DYTN: variants seen among roughly 807,000 people sequenced by gnomAD.
DYTN encodes the protein dystrotelin.
DYTN carries 75 observed loss-of-function variants against 69.6 expected under a neutral mutation model. That is an observed-to-expected ratio of 1.08 (90% CI 0.89 to 1.31). DYTN has a LOEUF of 1.31. Ranked by LOEUF, DYTN falls within the 50% of genes most tolerant of loss-of-function variation. The pLI is 0.00. For missense variants in DYTN, 726 were observed against 688.4 expected, an observed-to-expected ratio of 1.05 and a Z score of -0.61; for synonymous variants, 252 against 249.1, an observed-to-expected ratio of 1.01 and a Z score of -0.11.
chr2:206,675,380 G>T (rs1429950515), intron 9 of DYTN, among the ~76,000 whole-genome samples: 2 of 149,808 alleles, frequency 1.3e-5, no homozygotes, highest in Admixed American at 6.7e-5. Flanking sequence ...GAAGCAAGAT[G>T]TTCAAAATAA....
intron 5 of DYTN, among the ~76,000 whole-genome samples, chr2:206,700,826 T>C (rs972171153): frequency 2.0e-5 from 3 of 152,176 alleles, no homozygotes; most frequent in African/African-American, 4.8e-5. Flanking sequence ...GTGTTCTCAT[T>C]GTTCAACTAC....
intron 10 of DYTN, among the ~76,000 whole-genome samples, chr2:206,664,371 T>G (rs1699545051): frequency 6.6e-6 from 1 of 152,146 alleles, no homozygotes; most frequent in Admixed American, 6.5e-5. Flanking sequence ...GTTATAACAG[T>G]TAAGGCCGGG....
intron 8 of DYTN, among the ~76,000 whole-genome samples, chr2:206,694,240 A>T (rs1214724140): frequency 6.6e-6 from 1 of 152,234 alleles, no homozygotes; most frequent in Non-Finnish European, 1.5e-5. Context: ...TTATAATTTT[A>T]AAAAATTTGA....
At chr2:206,654,109 A>T (rs1280431284) in intron 11 of DYTN, among the ~76,000 whole-genome samples, 3 of 152,238 alleles carry the variant, frequency 2.0e-5, no homozygotes, top group Admixed American at 6.5e-5. Flanking sequence ...AGCCAACTAC[A>T]CTTTTTTTCT....
intron 10 of DYTN, among the ~76,000 whole-genome samples, chr2:206,663,996 C>A (rs1395260200): frequency 6.6e-6 from 1 of 151,804 alleles, no homozygotes; most frequent in Non-Finnish European, 1.5e-5. Context: ...GCTGTTGGTG[C>A]TTTAGTGTGA....
intron 1 of DYTN, among the ~76,000 whole-genome samples, chr2:206,712,943 G>A (rs2105903204): frequency 6.6e-6 from 1 of 152,346 alleles, no homozygotes; most frequent in Non-Finnish European, 1.5e-5. Context: ...ATTTGGAATT[G>A]TAGATTGGAG....
chr2:206,702,699 T>C (rs1262721381), intron 5 of DYTN, among the ~76,000 whole-genome samples: 1 of 152,198 alleles, frequency 6.6e-6, no homozygotes, highest in Non-Finnish European at 1.5e-5. Context: ...TTTTACTTCA[T>C]TTGTAAAATA....
intron 11 of DYTN, among the ~76,000 whole-genome samples, chr2:206,661,345 A>T (rs10206329): frequency 0.12 from 18,762 of 152,288 alleles, 1,205 homozygotes; most frequent in Non-Finnish European, 0.14. Context: ...AAAACACATG[A>T]GTATTTTATC....
At chr2:206,653,221 A>G (rs1699407538) in intron 11 of DYTN, among the ~76,000 whole-genome samples, 1 of 152,250 alleles carries the variant, frequency 6.6e-6, no homozygotes, top group Non-Finnish European at 1.5e-5. Flanking sequence ...AACTTAAAAT[A>G]TAGCAATAAA....
At chr2:206,703,312 G>T (rs1240985891) in intron 5 of DYTN, among the ~76,000 whole-genome samples, 1 of 152,088 alleles carries the variant, frequency 6.6e-6, no homozygotes, top group Non-Finnish European at 1.5e-5. Flanking sequence ...GCACAAATGG[G>T]CGGACAGACT....
Position 206,704,884 on chromosome 2 carries a change from T to G in DYTN, c.442A>C (p.Thr148Pro), listed in dbSNP as rs764960410. The change falls in exon 5 of 12, where the codon ACT becomes CCT. Residue 148 changes from threonine (T) to proline (P), a missense_variant. Thr to Pro is a conservative substitution (Grantham distance 38, BLOSUM62 -1). Transcript: ENST00000452335. ...AGTAGTTTTCTCAAAACCCTTCGAG[T>G]CATGCGTGGCCCAGAATCATAGCCT... ...RGGYDSGPRM[T>P]RRVLRKLLTD... The G allele has an allele frequency of 6.2e-7, 1 of 1,613,878 alleles. No homozygotes were observed. Among genetic ancestry groups the G allele is most frequent in the Non-Finnish European group, 8.5e-7 (1 of 1,179,844 alleles).
chr2:206,679,424 G>T (rs1280474990), intron 9 of DYTN, among the ~76,000 whole-genome samples: 1 of 152,106 alleles, frequency 6.6e-6, no homozygotes, highest in Non-Finnish European at 1.5e-5. Flanking sequence ...AGAATGCAAA[G>T]AATTCAGGGG....
chr2:206,713,130 T>C (rs1032530873), intron 1 of DYTN, among the ~76,000 whole-genome samples: 1 of 152,242 alleles, frequency 6.6e-6, no homozygotes, highest in Non-Finnish European at 1.5e-5. Context: ...AATTGACAAA[T>C]AAATATTGTA....
chr2:206,694,722 T>C, intron 8 of DYTN, 44 bp downstream of exon 8: 1 of 1,506,200 alleles, frequency 6.6e-7, no homozygotes. Context: ...TAGCTTATAC[T>C]GAATTGATTA....
intron 9 of DYTN, among the ~76,000 whole-genome samples, chr2:206,666,738 CGT>C (rs56345459): frequency 0.14 from 21,059 of 145,400 alleles, 1,698 homozygotes; most frequent in East Asian, 0.23. Context: ...CATGGGTGTG[CGT>C]GTGTGTGTGT....
At chr2:206,702,876 T>G (rs189222633) in intron 5 of DYTN, among the ~76,000 whole-genome samples, 17 of 152,250 alleles carry the variant, frequency 1.1e-4, no homozygotes, top group Non-Finnish European at 4.4e-5. Context: ...TTGCAGGTGT[T>G]CTAGGAAGAA....
At chr2:206,658,158 C>T (rs1699470058) in intron 11 of DYTN, among the ~76,000 whole-genome samples, 1 of 151,770 alleles carries the variant, frequency 6.6e-6, no homozygotes. Context: ...ATTTTTAGTT[C>T]AATTATTACA....
At chr2:206,710,725 A>G (rs927980014) in intron 1 of DYTN, 127 bp from the exon 2 acceptor site, 6 of 693,106 alleles carry the variant, frequency 8.7e-6, no homozygotes, top group African/African-American at 7.4e-5. Context: ...TAAGGTTTAG[A>G]GCTCTTTTTT....
chr2:206,659,248 T>C (rs1274432192), intron 11 of DYTN, among the ~76,000 whole-genome samples: 1 of 139,404 alleles, frequency 7.2e-6, no homozygotes, highest in Non-Finnish European at 1.5e-5. Context: ...CTCAGCTCAC[T>C]GCAAGCTCCG....
Sources: allele counts gnomAD v4.1 joint callset (sites outside exome capture counted in the v4.1 genomes callset), GRCh38; gene constraint gnomAD v4.1.1; transcripts MANE v1.5; gene names NCBI Gene and HGNC (gene_info 2026-07-23, HGNC 2026-07-21).